Variants in LRP1B observed in about 807,000 individuals in gnomAD.
The protein encoded by LRP1B is low-density lipoprotein receptor-related protein 1B.
A neutral mutation model predicts 556.6 loss-of-function variants in LRP1B; 217 were observed. The ratio of observed to expected loss-of-function variants is 0.39; its 90% CI spans 0.35 to 0.44. LRP1B has a LOEUF of 0.44. Ranked by LOEUF, LRP1B falls within the 20% of genes least tolerant of loss-of-function variation. LRP1B has a pLI of 1.00. For synonymous variants in LRP1B, 2,047 were observed against 1,865.8 expected, an observed-to-expected ratio of 1.10 and a Z score of -2.50; for missense variants, 5,053 against 5,620.8, an observed-to-expected ratio of 0.90 and a Z score of 3.23.
chr2:140,822,580 T>A (rs901280845), intron 31 of LRP1B, among the ~76,000 whole-genome samples: 1 of 152,204 alleles, frequency 6.6e-6, no homozygotes, highest in Non-Finnish European at 1.5e-5. Context: ...TAATTAATTG[T>A]GAGGCACAAT....
intron 37 of LRP1B, among the ~76,000 whole-genome samples, chr2:140,704,805 G>T (rs1048175062): frequency 2.0e-5 from 3 of 152,024 alleles, no homozygotes; most frequent in Non-Finnish European, 2.9e-5. Context: ...CATAAGAAAA[G>T]AAATGTGCAT....
chr2:140,658,135 G>A (rs1684956864), intron 41 of LRP1B, among the ~76,000 whole-genome samples: 1 of 151,806 alleles, frequency 6.6e-6, no homozygotes, highest in Non-Finnish European at 1.5e-5. Flanking sequence ...CATTTTTATT[G>A]TGTCTTTACA....
chr2:141,072,061 G>C (rs1699660306), intron 7 of LRP1B, among the ~76,000 whole-genome samples: 1 of 151,988 alleles, frequency 6.6e-6, no homozygotes, highest in Non-Finnish European at 1.5e-5. Context: ...TAAAGCATAA[G>C]ACAGGCTAAC....
Position 140,483,579 on chromosome 2 carries a change from T to TATACAC in LRP1B, c.9425+1763_9425+1764insGTGTAT, listed in dbSNP as rs200559665. ...ACACTCAAATATATATATATATATG[T>TATACAC]ACACACACATATATATAGACACACA... is the stretch of plus-strand genomic sequence containing the variant. On this transcript the variant is annotated intron_variant, in intron 59 of 90. Coordinates refer to ENST00000389484, the MANE Select transcript of LRP1B (RefSeq NM_018557.3). Among the ~76,000 whole-genome samples, 4 of 142,454 alleles carry TATACAC rather than the reference T, an allele frequency of 2.8e-5. 1 individual carries two copies. The highest frequency in any genetic ancestry group is 7.9e-5 in the African/African-American group (3 of 37,738). 93.5% of individuals were successfully genotyped at this position (142,454 alleles called of 152,430 possible).
At chr2:141,658,961 C>T (rs894495860) in intron 2 of LRP1B, among the ~76,000 whole-genome samples, 1 of 152,080 alleles carries the variant, frequency 6.6e-6, no homozygotes, top group Non-Finnish European at 1.5e-5. Context: ...TGGAATGCAG[C>T]TGTGTGATCA....
In LRP1B at chr2:141,890,378, G is replaced by GCATA. The variant is rs1553480516; in HGVS notation, c.83-79978_83-79977insTATG. On this transcript the variant is annotated intron_variant, in intron 1 of 90. Transcript: ENST00000389484. Reference sequence around the variant, plus strand: ...TATTGTGCATATATATATATAGTGTGTATACATATATAGTGTATATATATA... The same window carrying GCATA: ...TATTGTGCATATATATATATAGTGTGCATATATACATATATAGTGTATATATATA... Among the ~76,000 whole-genome samples, 18 of 125,424 alleles carry GCATA rather than the reference G, an allele frequency of 1.4e-4. 1 individual carries two copies. In the South Asian group the frequency reaches 4.2e-3, roughly 29 times the overall value. 82.3% of individuals were successfully genotyped at this position (125,424 alleles called of 152,430 possible). A position where few individuals can be genotyped will look rare whatever the true frequency, so the allele number is the denominator to read the frequency against.
At chr2:141,880,955 G>T (rs59980765) in intron 1 of LRP1B, among the ~76,000 whole-genome samples, 1 of 151,960 alleles carries the variant, frequency 6.6e-6, no homozygotes, top group Non-Finnish European at 1.5e-5. Context: ...AAAAACTTAG[G>T]AATATTAAAT....
At chr2:140,944,036 G>C (rs1160757067) in intron 20 of LRP1B, among the ~76,000 whole-genome samples, 1 of 151,898 alleles carries the variant, frequency 6.6e-6, no homozygotes, top group Non-Finnish European at 1.5e-5. Context: ...AACTAATGAA[G>C]AACAAAAGAG....
chr2:140,497,783 A>G (rs1330955410), intron 55 of LRP1B, among the ~76,000 whole-genome samples: 1 of 151,926 alleles, frequency 6.6e-6, no homozygotes, highest in South Asian at 2.1e-4. Context: ...TGTCAGGTTT[A>G]TAGAAGAAGT....
intron 11 of LRP1B, among the ~76,000 whole-genome samples, chr2:141,021,760 C>T: frequency 6.6e-6 from 1 of 151,870 alleles, no homozygotes; most frequent in African/African-American, 2.4e-5. Flanking sequence ...ATGGATGAAA[C>T]TTTTGTTTCT....
intron 35 of LRP1B, among the ~76,000 whole-genome samples, chr2:140,719,412 TA>T (rs34533464): frequency 0.59 from 89,221 of 150,670 alleles, 26,556 homozygotes; most frequent in Middle Eastern, 0.67. Flanking sequence ...ATCTTTACAA[TA>T]AAAAAAAAAA....
At chr2:140,534,161 C>T (rs2104995346) in intron 46 of LRP1B, 21 bp from the exon 47 acceptor site, 1 of 1,600,862 alleles carries the variant, frequency 6.2e-7, no homozygotes. Context: ...AAAGTAGAAA[C>T]ACACAACCAG....
intron 1 of LRP1B, among the ~76,000 whole-genome samples, chr2:141,983,932 G>C (rs192891905): frequency 6.6e-6 from 1 of 152,068 alleles, no homozygotes; most frequent in Non-Finnish European, 1.5e-5. Flanking sequence ...ATAGTGGCAG[G>C]TGCCTATAAT....
chr2:140,439,619 C>T (rs546109802), intron 66 of LRP1B, among the ~76,000 whole-genome samples: 12 of 151,940 alleles, frequency 7.9e-5, no homozygotes, highest in Middle Eastern at 3.4e-3. Context: ...AAAAACTAGG[C>T]GTTAATAAAA....
chr2:141,024,794 T>C (rs1471642363), intron 11 of LRP1B, among the ~76,000 whole-genome samples: 2 of 152,034 alleles, frequency 1.3e-5, no homozygotes, highest in Non-Finnish European at 2.9e-5. Flanking sequence ...CAGTTCCCTT[T>C]ACTTCGAAGT....
intron 35 of LRP1B, among the ~76,000 whole-genome samples, chr2:140,746,964 TA>T (rs577872881): frequency 1.8e-4 from 28 of 152,126 alleles, no homozygotes; most frequent in African/African-American, 6.0e-4. Flanking sequence ...CCTAATGTAT[TA>T]AAAAAACATG....
intron 23 of LRP1B, among the ~76,000 whole-genome samples, chr2:140,893,003 G>T (rs1693844563): frequency 6.6e-6 from 1 of 152,054 alleles, no homozygotes; most frequent in African/African-American, 2.4e-5. Context: ...AGAGACAGAG[G>T]AAAGGAAGAG....
At chr2:141,234,647 G>T (rs1378679685) in intron 5 of LRP1B, among the ~76,000 whole-genome samples, 1 of 152,072 alleles carries the variant, frequency 6.6e-6, no homozygotes, top group Admixed American at 6.6e-5. Context: ...CAAGTGCTGG[G>T]ATTACAGGCA....
intron 3 of LRP1B, among the ~76,000 whole-genome samples, chr2:141,348,185 T>G (rs2105532337): frequency 6.6e-6 from 1 of 152,126 alleles, no homozygotes; most frequent in South Asian, 2.1e-4. Context: ...TCCCGTTGTG[T>G]GGGTAAAAGG....
Sources: gnomAD v4.1 joint callset for allele counts (sites outside exome capture counted in the v4.1 genomes callset) on GRCh38, gnomAD v4.1.1 for gene constraint, MANE v1.5 for transcripts, NCBI Gene and HGNC (gene_info 2026-07-23, HGNC 2026-07-21) for gene names.